Variants in FBXO25 observed in about 807,000 individuals in gnomAD.
The protein encoded by FBXO25 is F-box protein 25.
FBXO25 carries 45 observed loss-of-function variants against 51.9 expected under a neutral mutation model. That is an observed-to-expected ratio of 0.87 (90% CI 0.68 to 1.11). FBXO25 has a LOEUF of 1.11. Among genes scored for constraint, FBXO25 ranks in the 50% most tolerant of loss-of-function variants. FBXO25 has a pLI of 0.00. For synonymous variants in FBXO25, 199 were observed against 151.0 expected, an observed-to-expected ratio of 1.32 and a Z score of -2.33; for missense variants, 507 against 428.5, an observed-to-expected ratio of 1.18 and a Z score of -1.62.
In FBXO25 at chr8:450,039, C is replaced by T. The variant is rs1321139587; in HGVS notation, c.431C>T (p.Ala144Val). The change falls in exon 6 of 10, where the codon GCA becomes GTA. Residue 144 changes from alanine (A) to valine (V), a missense_variant. Ala to Val is a moderately conservative substitution (Grantham distance 64). Transcript: ENST00000350302. The part of the protein sequence containing the change: ...KSQLTSLSGV[A>V]QKNYFNILDK... Reference sequence around the variant, plus strand: ...CAGTTAACTTCATTGAGTGGCGTGGCACAGAAGAATTACTTCAACATTTTG... The same window carrying T: ...CAGTTAACTTCATTGAGTGGCGTGGTACAGAAGAATTACTTCAACATTTTG... 1 of 1,613,218 alleles carries T rather than the reference C, an allele frequency of 6.2e-7. No homozygotes were observed. Among genetic ancestry groups the T allele is most frequent in the African/African-American group, 1.3e-5 (1 of 74,994 alleles).
At chr8:467,972 G>A in intron 9 of FBXO25, 2 of 1,389,308 alleles carry the variant, frequency 1.4e-6, no homozygotes, top group South Asian at 1.5e-5. Context: ...AGTGCTGAGG[G>A]AGGCTGCTAG....
In FBXO25 at chr8:409,803, T is replaced by C. The variant is rs2117390032; in HGVS notation, c.-8+2737T>C. Among the ~76,000 whole-genome samples the C allele has an allele frequency of 2.0e-5, 3 of 152,300 alleles. No individual in the cohort carries two copies. The South Asian group carries it at 6.2e-4, about 32-fold the overall frequency. On this transcript the variant is annotated intron_variant, in intron 1 of 9. Transcript: ENST00000350302. ...CCTACAAGCCCTAGAAAATTATTAT[T>C]CTCAAAACAACACTGCTCACGCTGA...
intron 7 of FBXO25, among the ~76,000 whole-genome samples, chr8:454,483 C>T (rs536992509): frequency 2.6e-5 from 4 of 152,282 alleles, no homozygotes; most frequent in Non-Finnish European, 5.9e-5. Context: ...CTCCGAGGGA[C>T]CCAGGGAGAT....
At chr8:426,570 C>T (rs1369382506) in intron 2 of FBXO25, among the ~76,000 whole-genome samples, 12 of 152,110 alleles carry the variant, frequency 7.9e-5, no homozygotes, top group African/African-American at 2.4e-4. Flanking sequence ...CCAAGTGGCA[C>T]ACGCAGGAAG....
At chr8:466,426 T>A (rs1389752197) in intron 9 of FBXO25, among the ~76,000 whole-genome samples, 1 of 152,230 alleles carries the variant, frequency 6.6e-6, no homozygotes, top group Non-Finnish European at 1.5e-5. Context: ...AACTGGCACA[T>A]AGCTGGTGCT....
rs981881495 is a variant in FBXO25 at position 473,041 on chromosome 8, C to G, written c.*4237C>G. The G allele has an allele frequency of 5.2e-5, 8 of 152,422 alleles. No individual in the cohort carries two copies. The highest frequency in any genetic ancestry group is 1.9e-4 in the African/African-American group (8 of 41,478). The allele number at this position is 152,422 out of a possible 1,614,324, so 9.4% of individuals were successfully genotyped here. A position where few individuals can be genotyped will look rare whatever the true frequency, so the allele number is the denominator to read the frequency against. On this transcript the variant is annotated 3_prime_UTR_variant, in exon 10 of 10. Transcript: ENST00000350302. ...GACCTGCATACATGACTAACCAGCA[C>G]CAGCCATTGGGGCCCTCTATGGCTG...
At chr8:465,985 G>C (rs1378060825) in intron 9 of FBXO25, among the ~76,000 whole-genome samples, 2 of 152,140 alleles carry the variant, frequency 1.3e-5, no homozygotes, top group African/African-American at 4.8e-5. Flanking sequence ...CTCCTAGGAA[G>C]GACAGCTGCC....
At chr8:437,407 T>G (rs1029574720) in intron 5 of FBXO25, among the ~76,000 whole-genome samples, 5 of 152,238 alleles carry the variant, frequency 3.3e-5, no homozygotes, top group African/African-American at 1.2e-4. Context: ...CTCACAGGTC[T>G]GTGCATCTCT....
chr8:426,787 G>C (rs570016804), intron 2 of FBXO25, among the ~76,000 whole-genome samples: 13 of 152,126 alleles, frequency 8.5e-5, no homozygotes, highest in Non-Finnish European at 1.8e-4. Flanking sequence ...GAGTGAGATG[G>C]GCCCACATTG....
chr8:407,309 G>A (rs1385564902), intron 1 of FBXO25: 1 of 965,878 alleles, frequency 1.0e-6, no homozygotes, highest in Non-Finnish European at 1.2e-6. Flanking sequence ...TGGGGACGGG[G>A]TTGTCGCGGG....
intron 2 of FBXO25, among the ~76,000 whole-genome samples, chr8:427,578 G>A (rs940096572): frequency 6.7e-6 from 1 of 149,248 alleles, no homozygotes; most frequent in Non-Finnish European, 1.5e-5. Context: ...CCACAGAAAT[G>A]TATGTCCTCA....
intron 1 of FBXO25, among the ~76,000 whole-genome samples, chr8:409,100 C>T (rs1309017654): frequency 6.6e-6 from 1 of 152,184 alleles, no homozygotes; most frequent in Non-Finnish European, 1.5e-5. Flanking sequence ...TTTGCAAACT[C>T]AGAAGCCTCA....
At chr8:419,431 A>G (rs1161499486) in intron 2 of FBXO25, among the ~76,000 whole-genome samples, 1 of 152,246 alleles carries the variant, frequency 6.6e-6, no homozygotes, top group Admixed American at 6.5e-5. Flanking sequence ...AGAGAGTGGT[A>G]TGTGGTACTG....
chr8:422,342 A>G (rs1202460812), intron 2 of FBXO25, among the ~76,000 whole-genome samples: 3 of 152,186 alleles, frequency 2.0e-5, no homozygotes, highest in African/African-American at 7.2e-5. Context: ...ACAGCAGACA[A>G]ACCTAATTTG....
chr8:441,269 G>C (rs554758206), intron 5 of FBXO25, among the ~76,000 whole-genome samples: 1 of 152,314 alleles, frequency 6.6e-6, no homozygotes, highest in South Asian at 2.1e-4. Context: ...ATGGCTAAAG[G>C]ATTCCCTATT....
chr8:463,106 GAC>G lies in FBXO25; in HGVS notation c.948_949del (p.Leu317AlafsTer24), dbSNP rs1179427755. ...KHYPAKEQYG[D>X]TLHFCRHCSI... ...TTACCCAGCGAAGGAGCAGTACGGA[GAC>G]ACACTGCATTTCTGTCGGCACTGCA... On this transcript the variant is annotated frameshift_variant, in exon 9 of 10. Coordinates refer to ENST00000350302, the MANE Select transcript of FBXO25 (RefSeq NM_183420.2). LOFTEE classifies it high-confidence loss of function. 3.7e-6 allele frequency: 6 copies of G among 1,613,774 alleles called. No homozygotes were observed. Among genetic ancestry groups the G allele is most frequent in the East Asian group, 2.2e-5 (1 of 44,870 alleles).
rs570022743 is a variant in FBXO25 at position 456,851 on chromosome 8, C to T, written c.661-1518C>T. Among the ~76,000 whole-genome samples the T allele has an allele frequency of 2.6e-5, 4 of 152,282 alleles. No individual in the cohort carries two copies. In the South Asian group the frequency reaches 8.3e-4, roughly 32 times the overall value. ...TCCATTCTGAAGTCCCAGGAAGGTG[C>T]TTCCATAGCGAGGACATTATAGGGG... On this transcript the variant is annotated intron_variant, in intron 7 of 9. Transcript: ENST00000350302.
chr8:463,044 T>C lies in FBXO25; in HGVS notation c.881T>C (p.Ile294Thr), dbSNP rs559209778. 21 of 1,613,378 alleles carry C rather than the reference T, an allele frequency of 1.3e-5. No homozygotes were observed. The highest frequency in any genetic ancestry group is 5.0e-5 in the Admixed American group (3 of 59,792). ...TTGATCCTTTCAGAAAAAGGTCATA[T>C]TGAATGGAAGTTGATGTACTTTGCA... ...RHLILSEKGH[I>T]EWKLMYFALQ... is the part of the protein sequence containing the mutation. Residue 294 changes from isoleucine (I) to threonine (T), a missense_variant, in exon 9 of 10, where the codon ATT becomes ACT. Physicochemically the swap from Ile to Thr is moderately conservative, Grantham distance 89. Transcript: ENST00000350302.
Position 468,892 on chromosome 8 carries a change from C to G in FBXO25, c.*88C>G. The G allele has an allele frequency of 7.9e-7, 1 of 1,262,010 alleles. No homozygotes were observed. Among genetic ancestry groups the G allele is most frequent in the Non-Finnish European group, 1.1e-6 (1 of 910,648 alleles). The allele number at this position is 1,262,010 out of a possible 1,614,324, so 78.2% of individuals were successfully genotyped here. The stretch of plus-strand genomic sequence containing the variant: ...GAGTGTTCTGTGAGGTGGGTGGAGA[C>G]TCCTCGGAAGCCCCTGCTTCCAGAA... On this transcript the variant is annotated 3_prime_UTR_variant, in exon 10 of 10. Coordinates refer to ENST00000350302, the MANE Select transcript of FBXO25 (RefSeq NM_183420.2).
Sources: allele counts gnomAD v4.1 joint callset (sites outside exome capture counted in the v4.1 genomes callset), GRCh38; gene constraint gnomAD v4.1.1; transcripts MANE v1.5; gene names NCBI Gene and HGNC (gene_info 2026-07-23, HGNC 2026-07-21).